Variants in NXPE2 observed in about 807,000 individuals in gnomAD.
NXPE2 encodes the protein neurexophilin and PC-esterase domain family member 2.
In NXPE2, 34 loss-of-function variants were observed where a neutral mutation model predicts 34.4. The observed-to-expected ratio is 0.99, with a 90% confidence interval of 0.75 to 1.31. The LOEUF (loss-of-function observed/expected upper bound fraction) is 1.31. NXPE2 is among the 40% of genes most tolerant of loss of function. NXPE2 has a pLI of 0.00. For synonymous variants in NXPE2, 235 were observed against 231.3 expected (o/e 1.02, Z -0.15); for missense variants, 649 against 672.5 (o/e 0.97, Z 0.39).
the NXPE2 span, among the ~76,000 whole-genome samples, chr11:114,633,253 A>G: frequency 0.18 from 23,972 of 134,554 alleles, 2,549 homozygotes; most frequent in Non-Finnish European, 0.22. Flanking sequence ...AATATATAAT[A>G]TATAAGAATG....
chr11:114,513,294 A>G, the NXPE2 span: 1 of 461,228 alleles, frequency 2.2e-6, no homozygotes, highest in Non-Finnish European at 4.3e-6. Flanking sequence ...ATGTGGGTGA[A>G]AGGTCTGGGT....
chr11:114,811,991 A>G, the NXPE2 span, among the ~76,000 whole-genome samples: 1 of 152,224 alleles, frequency 6.6e-6, no homozygotes, highest in South Asian at 2.1e-4. Flanking sequence ...CAGACACTCA[A>G]AAAAATGATA....
chr11:114,759,435 T>TA, the NXPE2 span, among the ~76,000 whole-genome samples: 1 of 152,208 alleles, frequency 6.6e-6, no homozygotes, highest in Non-Finnish European at 1.5e-5. Context: ...AATTGACACA[T>TA]AAAAGACACA....
the NXPE2 span, among the ~76,000 whole-genome samples, chr11:114,811,693 G>A: frequency 2.6e-5 from 4 of 152,186 alleles, no homozygotes; most frequent in African/African-American, 9.7e-5. Context: ...AGGGACACAA[G>A]AGTATCAGCA....
the NXPE2 span, among the ~76,000 whole-genome samples, chr11:114,737,715 A>C: frequency 9.1e-4 from 139 of 152,248 alleles, no homozygotes; most frequent in African/African-American, 3.3e-3. Flanking sequence ...CTCCTCTTGA[A>C]TCTAAACCAA....
chr11:114,702,552 T>C (rs1325216168), intron 3 of NXPE2, among the ~76,000 whole-genome samples: 1 of 152,216 alleles, frequency 6.6e-6, no homozygotes, highest in Non-Finnish European at 1.5e-5. Flanking sequence ...ATGCCAACAT[T>C]TATGTTAGAT....
chr11:114,626,696 A>T, the NXPE2 span, among the ~76,000 whole-genome samples: 4 of 152,244 alleles, frequency 2.6e-5, no homozygotes, highest in Non-Finnish European at 5.9e-5. Context: ...AGCTGAGAGA[A>T]GGCTTCAGAC....
At chr11:114,473,003 A>T in the NXPE2 span, among the ~76,000 whole-genome samples, 2 of 152,212 alleles carry the variant, frequency 1.3e-5, no homozygotes, top group East Asian at 3.9e-4. Context: ...AGTGTTGAAC[A>T]TCTGGAAAAG....
At chr11:114,500,713 C>T in the NXPE2 span, among the ~76,000 whole-genome samples, 2 of 151,966 alleles carry the variant, frequency 1.3e-5, no homozygotes, top group Admixed American at 1.3e-4. Context: ...TTGTTTTCTT[C>T]TTGCAGCTTT....
the NXPE2 span, among the ~76,000 whole-genome samples, chr11:114,537,635 T>C: frequency 6.6e-6 from 1 of 152,042 alleles, no homozygotes; most frequent in Non-Finnish European, 1.5e-5. Context: ...TATACACCAG[T>C]AACAGACAAA....
chr11:114,538,472 C>T, the NXPE2 span, among the ~76,000 whole-genome samples: 26 of 152,142 alleles, frequency 1.7e-4, no homozygotes, highest in East Asian at 4.8e-3. Context: ...CAAAAGAAAC[C>T]ACCATCAGAG....
the NXPE2 span, among the ~76,000 whole-genome samples, chr11:114,572,296 T>C: frequency 2.6e-5 from 4 of 152,038 alleles, no homozygotes; most frequent in Non-Finnish European, 4.4e-5. Context: ...TCTGGTAATA[T>C]GACAAAACAA....
chr11:114,472,509 T>C, the NXPE2 span, among the ~76,000 whole-genome samples: 1 of 152,194 alleles, frequency 6.6e-6, no homozygotes. Context: ...TTGGACAAGC[T>C]TGTTCTAAAG....
chr11:114,481,778 C>T, the NXPE2 span, among the ~76,000 whole-genome samples: 4 of 152,036 alleles, frequency 2.6e-5, no homozygotes, highest in Admixed American at 2.0e-4. Flanking sequence ...AATCTATCTC[C>T]CTTCTAAAGG....
chr11:114,587,880 G>C, the NXPE2 span, among the ~76,000 whole-genome samples: 29 of 152,246 alleles, frequency 1.9e-4, no homozygotes, highest in African/African-American at 5.8e-4. Context: ...TTTTGCATAA[G>C]GGTGTGGCCT....
At chr11:114,493,468 A>G in the NXPE2 span, among the ~76,000 whole-genome samples, 1 of 151,886 alleles carries the variant, frequency 6.6e-6, no homozygotes, top group East Asian at 1.9e-4. Context: ...CTTGCTTTTT[A>G]TTTTGTGTAA....
chr11:114,623,427 A>T, the NXPE2 span, among the ~76,000 whole-genome samples: 6 of 152,102 alleles, frequency 3.9e-5, no homozygotes, highest in Non-Finnish European at 8.8e-5. Context: ...CTGGATAATA[A>T]GTATTCCCTC....
the NXPE2 span, among the ~76,000 whole-genome samples, chr11:114,604,339 G>A: frequency 2.0e-5 from 3 of 151,984 alleles, no homozygotes; most frequent in East Asian, 5.8e-4. Flanking sequence ...TTGCTTCGTG[G>A]GTAACCACTG....
chr11:114,530,264 T>C, the NXPE2 span: 3 of 1,614,140 alleles, frequency 1.9e-6, no homozygotes, highest in East Asian at 2.2e-5. Flanking sequence ...AGGGCATGTG[T>C]TGAGGCTTCA....
Sources: allele counts gnomAD v4.1 joint callset (sites outside exome capture counted in the v4.1 genomes callset), GRCh38; gene constraint gnomAD v4.1.1; transcripts MANE v1.5; gene names NCBI Gene and HGNC (gene_info 2026-07-23, HGNC 2026-07-21).